ADGRL4: variants seen among roughly 807,000 people sequenced by gnomAD.
ADGRL4 encodes adhesion G protein-coupled receptor L4.
Under a neutral mutation model 74.8 loss-of-function variants are expected in ADGRL4, and 90 were observed. The ratio of observed to expected loss-of-function variants is 1.20; its 90% CI spans 1.02 to 1.43. The LOEUF is 1.43. ADGRL4 is among the 40% of genes most tolerant of loss of function. ADGRL4 has a pLI of 0.00. For synonymous variants in ADGRL4, 311 were observed against 279.2 expected (o/e 1.11, Z -1.14); for missense variants, 881 against 814.3 (o/e 1.08, Z -1.00).
At chr1:78,930,508 G>T (rs1428549574) in intron 7 of ADGRL4, among the ~76,000 whole-genome samples, 1 of 139,950 alleles carries the variant, frequency 7.1e-6, no homozygotes, top group Non-Finnish European at 1.5e-5. Flanking sequence ...CTGGAGTGCA[G>T]TGGTGGGATC....
intron 2 of ADGRL4, among the ~76,000 whole-genome samples, chr1:78,946,694 C>A (rs886453972): frequency 5.3e-4 from 80 of 152,070 alleles, no homozygotes; most frequent in African/African-American, 1.9e-3. Context: ...CAATATCTTT[C>A]AAATTTTTAC....
At chr1:78,945,772 A>G (rs188711336) in intron 3 of ADGRL4, among the ~76,000 whole-genome samples, 133 of 152,254 alleles carry the variant, frequency 8.7e-4, no homozygotes, top group African/African-American at 3.0e-3. Context: ...TAGTGTTCAG[A>G]AAAACTTAAT....
At position 78,921,773 on chromosome 1, in the gene ADGRL4, T is replaced by C. The variant is rs1649006093; in HGVS notation, c.1097A>G (p.Tyr366Cys). 2.0e-6 allele frequency: 3 copies of C among 1,509,390 alleles called. No homozygotes were observed. Among genetic ancestry groups the C allele is most frequent in the East Asian group, 5.0e-5 (2 of 40,038 alleles). 93.5% of individuals were successfully genotyped at this position (1,509,390 alleles called of 1,614,324 possible). Residue 366 changes from tyrosine (Y) to cysteine (C), a missense_variant, in exon 9 of 15, where the codon TAT becomes TGT. By Grantham distance (194) the Tyr-to-Cys change is radical. Coordinates refer to ENST00000370742, the MANE Select transcript of ADGRL4 (RefSeq NM_022159.4). ...ATTCCAAAATGCACATAGACTCCTA[T>C]ACCTATCTGTGACCTGAAAAAAAGA... ...TLSHRKVTDR[Y>C]RSLCAFWNYS...
intron 1 of ADGRL4, 23 bp from the exon 2 acceptor site, chr1:79,005,242 C>A (rs756465602): frequency 1.3e-6 from 2 of 1,561,284 alleles, no homozygotes; most frequent in African/African-American, 1.4e-5. Context: ...GAGAAATACA[C>A]CTTTTCAAAA....
At chr1:78,976,639 T>C (rs1265072160) in intron 2 of ADGRL4, among the ~76,000 whole-genome samples, 2 of 151,684 alleles carry the variant, frequency 1.3e-5, no homozygotes, top group Non-Finnish European at 2.9e-5. Flanking sequence ...AAATATTTAC[T>C]TTCTGAATCT....
At chr1:78,963,230 A>G (rs1649988982) in intron 2 of ADGRL4, among the ~76,000 whole-genome samples, 1 of 152,228 alleles carries the variant, frequency 6.6e-6, no homozygotes, top group Non-Finnish European at 1.5e-5. Context: ...GGGCTAGCAC[A>G]GGATTCTTTC....
intron 2 of ADGRL4, among the ~76,000 whole-genome samples, chr1:78,985,845 T>C (rs529653433): frequency 9.9e-5 from 15 of 151,696 alleles, no homozygotes; most frequent in Admixed American, 5.3e-4. Context: ...TATGCAGCCA[T>C]TAAAAAGGAC....
intron 2 of ADGRL4, among the ~76,000 whole-genome samples, chr1:78,979,297 C>T (rs17102556): frequency 0.3 from 45,389 of 151,726 alleles, 7,241 homozygotes; most frequent in South Asian, 0.42. Flanking sequence ...TAAGTCCGTT[C>T]CCTTTAGCTT....
intron 7 of ADGRL4, among the ~76,000 whole-genome samples, chr1:78,934,666 C>T (rs1475159569): frequency 1.3e-5 from 2 of 151,680 alleles, no homozygotes; most frequent in African/African-American, 4.8e-5. Flanking sequence ...TGACAAAGGT[C>T]TAATACCCAG....
chr1:78,928,008 A>T (rs1649155210), intron 7 of ADGRL4, among the ~76,000 whole-genome samples: 1 of 151,776 alleles, frequency 6.6e-6, no homozygotes, highest in Non-Finnish European at 1.5e-5. Context: ...ACTCCAAAAG[A>T]TGATAACTAT....
At chr1:79,004,914 A>G (rs1650927485) in intron 2 of ADGRL4, among the ~76,000 whole-genome samples, 156 bp downstream of exon 2, 1 of 152,228 alleles carries the variant, frequency 6.6e-6, no homozygotes, top group East Asian at 1.9e-4. Context: ...TGACATGGTA[A>G]GTCAAACTTA....
At chr1:78,994,451 CA>C (rs1313581939) in intron 2 of ADGRL4, among the ~76,000 whole-genome samples, 3 of 152,096 alleles carry the variant, frequency 2.0e-5, no homozygotes, top group African/African-American at 2.4e-5. Flanking sequence ...TCGCATTTTG[CA>C]GACTGAATTT....
intron 12 of ADGRL4, among the ~76,000 whole-genome samples, chr1:78,899,666 T>C (rs1261838513): frequency 6.6e-6 from 1 of 152,154 alleles, no homozygotes; most frequent in African/African-American, 2.4e-5. Flanking sequence ...TATGTAGTTA[T>C]TAATTTAAGC....
At chr1:78,932,900 A>G (rs1649276778) in intron 7 of ADGRL4, among the ~76,000 whole-genome samples, 1 of 151,542 alleles carries the variant, frequency 6.6e-6, no homozygotes, top group Non-Finnish European at 1.5e-5. Context: ...TGAATAGACC[A>G]ATAACAAGTT....
chr1:78,894,475 A>C (rs2100649491), intron 12 of ADGRL4, among the ~76,000 whole-genome samples: 1 of 151,978 alleles, frequency 6.6e-6, no homozygotes, highest in Admixed American at 6.6e-5. Context: ...AAATTGATTT[A>C]GGTGATAGTT....
At chr1:78,982,616 G>T (rs942180110) in intron 2 of ADGRL4, among the ~76,000 whole-genome samples, 1 of 151,810 alleles carries the variant, frequency 6.6e-6, no homozygotes, top group African/African-American at 2.4e-5. Context: ...CTTACAATAT[G>T]AGGACTAGAT....
At chr1:78,892,015 G>C (rs1648287948) in intron 13 of ADGRL4, among the ~76,000 whole-genome samples, 2 of 152,048 alleles carry the variant, frequency 1.3e-5, no homozygotes. Context: ...TGCATGCTTT[G>C]ATTTCAAATG....
intron 7 of ADGRL4, among the ~76,000 whole-genome samples, chr1:78,932,349 A>T (rs1370273427): frequency 6.6e-6 from 1 of 151,514 alleles, no homozygotes; most frequent in Non-Finnish European, 1.5e-5. Context: ...AAATTAAGGC[A>T]GAAATCAAGA....
intron 2 of ADGRL4, among the ~76,000 whole-genome samples, chr1:78,974,183 T>C (rs988810037): frequency 3.9e-5 from 6 of 152,276 alleles, no homozygotes; most frequent in Non-Finnish European, 2.9e-5. Context: ...TTAATTTCTA[T>C]GCTTGGAGTG....
Sources: gnomAD v4.1 joint callset for allele counts (sites outside exome capture counted in the v4.1 genomes callset) on GRCh38, gnomAD v4.1.1 for gene constraint, MANE v1.5 for transcripts, NCBI Gene and HGNC (gene_info 2026-07-23, HGNC 2026-07-21) for gene names.